Variants in COL5A2 observed in about 807,000 individuals in gnomAD.
COL5A2 encodes collagen type V alpha 2 chain, also known as collagen alpha-2(V) chain.
Under a neutral mutation model 208.2 loss-of-function variants are expected in COL5A2, and 23 were observed. The observed-to-expected ratio is 0.11, with a 90% confidence interval of 0.08 to 0.16. The LOEUF (loss-of-function observed/expected upper bound fraction) is 0.16. Ranked by LOEUF, COL5A2 falls within the 10% of genes least tolerant of loss-of-function variation. COL5A2 has a pLI of 1.00. For missense variants in COL5A2, 1,590 were observed against 1,956.4 expected (o/e 0.81, Z 3.53); for synonymous variants, 625 against 628.5 (o/e 0.99, Z 0.08).
At chr2:189,084,701 T>C (rs555669901) in intron 11 of COL5A2, among the ~76,000 whole-genome samples, 2 of 152,314 alleles carry the variant, frequency 1.3e-5, no homozygotes, top group African/African-American at 4.8e-5. Flanking sequence ...GTCTTAACTT[T>C]AATTAAAAAT....
chr2:189,124,369 C>T (rs993195679), intron 1 of COL5A2, among the ~76,000 whole-genome samples: 1 of 152,066 alleles, frequency 6.6e-6, no homozygotes, highest in Non-Finnish European at 1.5e-5. Flanking sequence ...ATGAATAAGT[C>T]TTTCAGGTAT....
chr2:189,251,531 T>C, the COL5A2 span, among the ~76,000 whole-genome samples: 1 of 152,164 alleles, frequency 6.6e-6, no homozygotes, highest in Admixed American at 6.5e-5. Context: ...AATAGTTCTT[T>C]ATTGTCTACT....
At chr2:189,385,230 C>T in the COL5A2 span, among the ~76,000 whole-genome samples, 3 of 152,136 alleles carry the variant, frequency 2.0e-5, no homozygotes, top group South Asian at 2.1e-4. Context: ...GAAAACTCTA[C>T]AGACCCTGCC....
intron 10 of COL5A2, 24 bp from the exon 11 acceptor site, chr2:189,085,237 G>T (rs1262292211): frequency 6.3e-7 from 1 of 1,592,788 alleles, no homozygotes; most frequent in African/African-American, 1.3e-5. Context: ...AAAACAAAAG[G>T]AAAAAAAGAA....
At chr2:189,264,986 T>C in the COL5A2 span, among the ~76,000 whole-genome samples, 2 of 152,176 alleles carry the variant, frequency 1.3e-5, no homozygotes, top group South Asian at 4.1e-4. Flanking sequence ...AGATTGGTAC[T>C]AGTTGCTTGA....
At chr2:189,255,843 A>G in the COL5A2 span, among the ~76,000 whole-genome samples, 1 of 151,802 alleles carries the variant, frequency 6.6e-6, no homozygotes, top group Non-Finnish European at 1.5e-5. Context: ...AGGGATTAAG[A>G]TAATGTTTCA....
intron 22 of COL5A2, 41 bp from the exon 23 acceptor site, chr2:189,066,538 A>G: frequency 6.3e-7 from 1 of 1,594,032 alleles, no homozygotes; most frequent in Non-Finnish European, 8.6e-7. Flanking sequence ...AGACCCATCC[A>G]ACCAGTGAAT....
chr2:189,270,725 T>C, the COL5A2 span, among the ~76,000 whole-genome samples: 1 of 152,296 alleles, frequency 6.6e-6, no homozygotes, highest in Non-Finnish European at 1.5e-5. Context: ...ATTGTCTCTG[T>C]TTGCAGATGA....
the COL5A2 span, among the ~76,000 whole-genome samples, chr2:189,425,305 A>G: frequency 6.6e-6 from 1 of 152,228 alleles, no homozygotes; most frequent in Non-Finnish European, 1.5e-5. Flanking sequence ...TCCTCAAAAA[A>G]TAAAAAAATG....
At chr2:189,112,386 T>C (rs577901270) in intron 1 of COL5A2, among the ~76,000 whole-genome samples, 2 of 152,348 alleles carry the variant, frequency 1.3e-5, no homozygotes, top group African/African-American at 4.8e-5. Context: ...AAGCTACATA[T>C]GAAAATTATT....
At chr2:189,157,118 ATATATCTATCTATAT>A (rs1688262717) in intron 1 of COL5A2, among the ~76,000 whole-genome samples, 1 of 16,922 alleles carries the variant, frequency 5.9e-5, no homozygotes, top group Non-Finnish European at 4.0e-4. Flanking sequence ...AGATATATCG[ATATATCTATCTATAT>A]ATATATCTAT....
chr2:189,260,946 A>G, the COL5A2 span, among the ~76,000 whole-genome samples: 17 of 152,324 alleles, frequency 1.1e-4, 1 homozygote, highest in Admixed American at 1.1e-3. Flanking sequence ...GTTTCCAGAA[A>G]CAAAAGTTCA....
chr2:189,297,068 C>T, the COL5A2 span, among the ~76,000 whole-genome samples: 4 of 152,276 alleles, frequency 2.6e-5, no homozygotes, highest in East Asian at 1.9e-4. Flanking sequence ...GCCATATAAA[C>T]GTTGATCTCA....
chr2:189,388,712 A>G, the COL5A2 span, among the ~76,000 whole-genome samples: 4 of 152,320 alleles, frequency 2.6e-5, no homozygotes, highest in East Asian at 5.8e-4. Flanking sequence ...TGTATTCACA[A>G]ACTATAAAGG....
At chr2:189,186,584 A>G (rs1289068964) in intron 1 of COL5A2, among the ~76,000 whole-genome samples, 1 of 152,222 alleles carries the variant, frequency 6.6e-6, no homozygotes, top group Non-Finnish European at 1.5e-5. Flanking sequence ...TCAAGGAATG[A>G]CTATTAATAG....
the COL5A2 span, among the ~76,000 whole-genome samples, chr2:189,352,334 G>A: frequency 7.9e-5 from 12 of 152,216 alleles, no homozygotes; most frequent in South Asian, 4.2e-4. Context: ...AGATTGCTGC[G>A]TCAAATGGTA....
At chr2:189,348,164 T>C in the COL5A2 span, among the ~76,000 whole-genome samples, 3 of 152,146 alleles carry the variant, frequency 2.0e-5, no homozygotes, top group Non-Finnish European at 2.9e-5. Flanking sequence ...TCTTTCAACA[T>C]CTGCTGACCC....
At chr2:189,194,446 A>T (rs924954997) in intron 1 of COL5A2, among the ~76,000 whole-genome samples, 1 of 152,220 alleles carries the variant, frequency 6.6e-6, no homozygotes, top group African/African-American at 2.4e-5. Context: ...TACATTTTAC[A>T]TGTGATCTCT....
At chr2:189,350,408 C>T in the COL5A2 span, among the ~76,000 whole-genome samples, 2 of 152,106 alleles carry the variant, frequency 1.3e-5, no homozygotes, top group African/African-American at 4.8e-5. Flanking sequence ...AGGCCCCACT[C>T]ATATATAAGA....
Sources: allele counts gnomAD v4.1 joint callset (sites outside exome capture counted in the v4.1 genomes callset), GRCh38; gene constraint gnomAD v4.1.1; transcripts MANE v1.5; gene names NCBI Gene and HGNC (gene_info 2026-07-23, HGNC 2026-07-21).